The following ABCD3 variants were observed in gnomAD, a reference collection of about 807,000 sequenced individuals.
The protein encoded by ABCD3 is ATP binding cassette subfamily D member 3, also known as ATP-binding cassette sub-family D member 3.
ABCD3 carries 41 observed loss-of-function variants against 105.5 expected under a neutral mutation model. The observed-to-expected ratio is 0.39, with a 90% CI of 0.30 to 0.50. The LOEUF is 0.50. ABCD3 is among the 20% of genes least tolerant of loss of function. ABCD3 has a pLI of 0.84. For synonymous variants in ABCD3, 258 were observed against 269.0 expected, an observed-to-expected ratio of 0.96 and a Z score of 0.40; for missense variants, 622 against 806.3, an observed-to-expected ratio of 0.77 and a Z score of 2.77.
At chr1:94,405,397 G>A in the ABCD3 span, among the ~76,000 whole-genome samples, 66 of 147,634 alleles carry the variant, frequency 4.5e-4, no homozygotes, top group Admixed American at 1.3e-3. Context: ...CACAACCTCC[G>A]CCTACTGGGT....
At chr1:94,509,768 A>T (rs920039291) in intron 21 of ABCD3, among the ~76,000 whole-genome samples, 1 of 152,010 alleles carries the variant, frequency 6.6e-6, no homozygotes, top group Non-Finnish European at 1.5e-5. Context: ...TTTCTAGTTT[A>T]TTTGCGTAGA....
At chr1:94,411,034 A>T in the ABCD3 span, among the ~76,000 whole-genome samples, 21 of 152,212 alleles carry the variant, frequency 1.4e-4, no homozygotes, top group Non-Finnish European at 1.5e-4. Context: ...ACTAAGAAGA[A>T]AACCTAGGGG....
At chr1:94,432,087 A>G (rs139421773) in intron 1 of ABCD3, among the ~76,000 whole-genome samples, 428 of 152,242 alleles carry the variant, frequency 2.8e-3, no homozygotes, top group African/African-American at 9.9e-3. Context: ...CTCTTCCCCC[A>G]CTGGAGGAAA....
At chr1:94,432,634 C>T (rs147293667) in intron 1 of ABCD3, 29 of 152,062 alleles carry the variant, frequency 1.9e-4, no homozygotes, top group African/African-American at 6.8e-4. Context: ...TCCTTAAGTT[C>T]GAATTAACCA....
At chr1:94,428,679 A>G (rs1345668679) in intron 1 of ABCD3, among the ~76,000 whole-genome samples, 1 of 152,088 alleles carries the variant, frequency 6.6e-6, no homozygotes, top group Non-Finnish European at 1.5e-5. Flanking sequence ...CGCCATCCAC[A>G]TAAGATGTGA....
chr1:94,499,171 C>T, intron 19 of ABCD3, 137 bp downstream of exon 19: 1 of 866,732 alleles, frequency 1.2e-6, no homozygotes, highest in South Asian at 1.5e-5. Context: ...ATTTTCTAAG[C>T]TGAGGTAAGA....
At chr1:94,424,141 A>G (rs930371556) in intron 1 of ABCD3, among the ~76,000 whole-genome samples, 1 of 152,198 alleles carries the variant, frequency 6.6e-6, no homozygotes, top group African/African-American at 2.4e-5. Context: ...ACTGAACCCA[A>G]CTGAGGCAGA....
chr1:94,485,554 T>G (rs1023394275), intron 10 of ABCD3, among the ~76,000 whole-genome samples: 1 of 152,212 alleles, frequency 6.6e-6, no homozygotes, highest in Non-Finnish European at 1.5e-5. Context: ...CCACACGGCT[T>G]GCTTATTCTC....
At chr1:94,507,399 A>AT (rs1354965313) in intron 21 of ABCD3, among the ~76,000 whole-genome samples, 36 of 152,306 alleles carry the variant, frequency 2.4e-4, no homozygotes, top group African/African-American at 8.4e-4. Flanking sequence ...TTTGTTGGAC[A>AT]TTTGGGTTGG....
intron 9 of ABCD3, 41 bp from the exon 10 acceptor site, chr1:94,483,129 G>A (rs1029726368): frequency 1.6e-6 from 2 of 1,274,444 alleles, no homozygotes; most frequent in African/African-American, 3.0e-5. Context: ...TCCAAGCATA[G>A]GTAACATTAA....
At chr1:94,509,904 C>T (rs995541748) in intron 21 of ABCD3, among the ~76,000 whole-genome samples, 13 of 151,978 alleles carry the variant, frequency 8.6e-5, no homozygotes. Context: ...GTCTTGCTAG[C>T]AGTCTATCAA....
At chr1:94,465,938 A>G (rs1448572983) in intron 3 of ABCD3, among the ~76,000 whole-genome samples, 2 of 152,024 alleles carry the variant, frequency 1.3e-5, no homozygotes, top group Non-Finnish European at 2.9e-5. Context: ...AATTTTTCCT[A>G]TACTTAACTG....
intron 16 of ABCD3, among the ~76,000 whole-genome samples, chr1:94,496,694 G>GTTTTTTTTTTTTTTTTTTTTTTTTT (rs71094302): frequency 2.5e-5 from 1 of 39,368 alleles, no homozygotes; most frequent in Admixed American, 5.1e-4. Flanking sequence ...CCTTGTTTCT[G>GTTTTTTTTTTTTTTTTTTTTTTTTT]TTTTTTTTTT....
chr1:94,446,383 G>A (rs1285843390), intron 1 of ABCD3, among the ~76,000 whole-genome samples: 1 of 152,180 alleles, frequency 6.6e-6, no homozygotes, highest in Non-Finnish European at 1.5e-5. Context: ...GGGACAATAG[G>A]ATTACTTCTA....
At chr1:94,511,141 T>C (rs954479407) in intron 21 of ABCD3, among the ~76,000 whole-genome samples, 4 of 152,116 alleles carry the variant, frequency 2.6e-5, no homozygotes, top group Non-Finnish European at 5.9e-5. Flanking sequence ...AGTTGTTCCT[T>C]TCCATGTTTA....
chr1:94,505,132 G>A (rs1361507319), intron 20 of ABCD3, among the ~76,000 whole-genome samples: 1 of 152,106 alleles, frequency 6.6e-6, no homozygotes, highest in Non-Finnish European at 1.5e-5. Flanking sequence ...ACGTTTGAGA[G>A]TCCTGTGAGA....
chr1:94,413,955 C>T (rs141326399), upstream of ABCD3, among the ~76,000 whole-genome samples: 30 of 152,122 alleles, frequency 2.0e-4, no homozygotes, highest in East Asian at 5.8e-3. Context: ...ATGAACGCTT[C>T]GTTTTAAAGG....
intron 18 of ABCD3, 27 bp from the exon 19 acceptor site, chr1:94,498,918 A>G (rs372544717): frequency 6.6e-5 from 107 of 1,611,014 alleles, no homozygotes; most frequent in Middle Eastern, 1.6e-4. Flanking sequence ...TGTTGCTTCT[A>G]ATTGACTTTT....
chr1:94,415,187 T>C (rs568563868), upstream of ABCD3, among the ~76,000 whole-genome samples: 3 of 152,324 alleles, frequency 2.0e-5, no homozygotes, highest in African/African-American at 7.2e-5. Flanking sequence ...ACCTTCATTA[T>C]ACTCTTTTGG....
Sources: gnomAD v4.1 joint callset for allele counts (sites outside exome capture counted in the v4.1 genomes callset) on GRCh38, gnomAD v4.1.1 for gene constraint, MANE v1.5 for transcripts, NCBI Gene and HGNC (gene_info 2026-07-23, HGNC 2026-07-21) for gene names.